Variants in HTRA1 observed in about 807,000 individuals in gnomAD.
HTRA1 encodes serine protease HTRA1.
Under a neutral mutation model 49.7 loss-of-function variants are expected in HTRA1, and 26 were observed. That is an observed-to-expected ratio of 0.52 (90% CI 0.38 to 0.73). The LOEUF is 0.73. Ranked by LOEUF, HTRA1 falls within the 30% of genes least tolerant of loss-of-function variation. HTRA1 has a pLI of 0.00. For missense variants in HTRA1, 561 were observed against 667.2 expected, an observed-to-expected ratio of 0.84 and a Z score of 1.75; for synonymous variants, 291 against 286.9, an observed-to-expected ratio of 1.01 and a Z score of -0.14.
rs1301487286 is a variant in HTRA1, at chr10:122,461,706, G to A, written c.54G>A (p.Ala18=). 6 of 1,290,772 alleles carry A rather than the reference G, an allele frequency of 4.6e-6. No homozygotes were observed. The highest frequency in any genetic ancestry group is 9.6e-5 in the East Asian group (2 of 20,874). The allele number at this position is 1,290,772 out of a possible 1,614,324, so 80.0% of individuals were successfully genotyped here. A position where few individuals can be genotyped will look rare whatever the true frequency, so the allele number is the denominator to read the frequency against. The change falls in exon 1 of 9, where the codon GCG becomes GCA. Residue 18 remains alanine, a synonymous_variant. Coordinates refer to ENST00000368984, the MANE Select transcript of HTRA1 (RefSeq NM_002775.5). ...LLPLLLLLLA[A]PASAQLSRAG... Reference sequence around the variant, plus strand: ...CGCTGCTGCTGCTGCTGCTGGCGGCGCCCGCCTCGGCGCAGCTGTCCCGGG... The same window carrying A: ...CGCTGCTGCTGCTGCTGCTGGCGGCACCCGCCTCGGCGCAGCTGTCCCGGG...
rs1440228866 is a variant in HTRA1 at position 122,508,832 on chromosome 10, T to G, written c.1120+62T>G. 5.0e-6 allele frequency: 5 copies of G among 992,872 alleles called. No homozygotes were observed. In the East Asian group the frequency reaches 7.2e-5, roughly 14 times the overall value. The allele number at this position is 992,872 out of a possible 1,614,324, so 61.5% of individuals were successfully genotyped here. On this transcript the variant is annotated intron_variant, in intron 6 of 8. Coordinates refer to ENST00000368984, the MANE Select transcript of HTRA1 (RefSeq NM_002775.5). ...ATGGGGCCTGAAGCTCAGCTGCCCT[T>G]TGGGACTTGGGGAAGGGAAAAGCGG...
chr10:122,468,405 A>G (rs1344293652), intron 1 of HTRA1, among the ~76,000 whole-genome samples: 3 of 21,868 alleles, frequency 1.4e-4, no homozygotes, highest in African/African-American at 4.3e-4. Flanking sequence ...TGTCATTGTC[A>G]TCATCATCAT....
chr10:122,483,961 T>G (rs918959087), intron 1 of HTRA1, among the ~76,000 whole-genome samples: 6 of 152,180 alleles, frequency 3.9e-5, no homozygotes, highest in Admixed American at 6.5e-5. Context: ...ATTTCTAGAA[T>G]TTTTCTATAT....
At chr10:122,493,235 G>A (rs1264931039) in intron 3 of HTRA1, among the ~76,000 whole-genome samples, 1 of 152,150 alleles carries the variant, frequency 6.6e-6, no homozygotes, top group African/African-American at 2.4e-5. Context: ...TGCAGCCCCG[G>A]CCAGGCATCC....
At chr10:122,475,634 G>A (rs1291322703) in intron 1 of HTRA1, among the ~76,000 whole-genome samples, 1 of 152,236 alleles carries the variant, frequency 6.6e-6, no homozygotes, top group Non-Finnish European at 1.5e-5. Flanking sequence ...GGTGCATAGG[G>A]TTTCAGGTTT....
intron 7 of HTRA1, among the ~76,000 whole-genome samples, chr10:122,511,058 C>T (rs2097505326): frequency 1.3e-5 from 2 of 152,136 alleles, no homozygotes. Flanking sequence ...GCCTTGTGAC[C>T]TTGGGAACGA....
In HTRA1 at chr10:122,510,993, G is replaced by A. The variant is rs113422816; in HGVS notation, c.1178+840G>A. On this transcript the variant is annotated intron_variant, in intron 7 of 8. Coordinates refer to ENST00000368984, the MANE Select transcript of HTRA1 (RefSeq NM_002775.5). The stretch of plus-strand genomic sequence containing the variant: ...GGAACTACGAGGTGTAGGGAAAGAT[G>A]GTAAGCCCTTGGTGCCCAGCTTCCT... Among the ~76,000 whole-genome samples the A allele has an allele frequency of 6.9e-3, 1,051 of 151,554 alleles. 14 individuals are homozygous for A. The highest frequency in any genetic ancestry group is 0.024 in the African/African-American group (1,003 of 41,350).
Position 122,510,092 on chromosome 10 carries a change from C to G in HTRA1, c.1121-4C>G. 6.2e-7 allele frequency: 1 copy of G among 1,613,696 alleles called. No homozygotes were observed. Among genetic ancestry groups the G allele is most frequent in the East Asian group, 2.2e-5 (1 of 44,866 alleles). On this transcript the variant is annotated splice_region_variant and splice_polypyrimidine_tract_variant and intron_variant, in intron 6 of 8. Coordinates refer to ENST00000368984, the MANE Select transcript of HTRA1 (RefSeq NM_002775.5). Reference sequence around the variant, plus strand: ...CTTCTGCTGTCCCTTTGTTGTCTCACCAGGAAAAGCCATCACCAAGAAGAA... The same window carrying G: ...CTTCTGCTGTCCCTTTGTTGTCTCAGCAGGAAAAGCCATCACCAAGAAGAA...
chr10:122,503,572 A>AT (rs2097501810), intron 3 of HTRA1, among the ~76,000 whole-genome samples: 1 of 152,206 alleles, frequency 6.6e-6, no homozygotes, highest in African/African-American at 2.4e-5. Context: ...CTGGATGAAC[A>AT]TGTACTGGGC....
chr10:122,465,154 C>T (rs2097483287), intron 1 of HTRA1, among the ~76,000 whole-genome samples: 1 of 152,170 alleles, frequency 6.6e-6, no homozygotes, highest in South Asian at 2.1e-4. Flanking sequence ...CCTCAGAGAA[C>T]ATCTCTGCTC....
intron 1 of HTRA1, among the ~76,000 whole-genome samples, chr10:122,472,744 C>T (rs1303849688): frequency 6.6e-6 from 1 of 152,114 alleles, no homozygotes. Flanking sequence ...GTTAACTGTT[C>T]CCCTGTTCAC....
Position 122,488,465 on chromosome 10 carries a change from G to A in HTRA1, c.473-437G>A, listed in dbSNP as rs779616781. Among the ~76,000 whole-genome samples, 9 of 152,178 alleles carry A rather than the reference G, an allele frequency of 5.9e-5. No individual in the cohort carries two copies. In the South Asian group the frequency reaches 8.3e-4, roughly 14 times the overall value. The stretch of plus-strand genomic sequence containing the variant: ...TAATCCCAGTTACTCAGTAGGCTGA[G>A]GCAGAAGAATCGCTTGAACCGGAGA... On this transcript the variant is annotated intron_variant, in intron 1 of 8. Transcript: ENST00000368984.
chr10:122,468,158 A>G (rs779175150), intron 1 of HTRA1, among the ~76,000 whole-genome samples: 1 of 152,232 alleles, frequency 6.6e-6, no homozygotes, highest in Non-Finnish European at 1.5e-5. Flanking sequence ...CGTGGTAGAT[A>G]GTATGATGCT....
intron 1 of HTRA1, among the ~76,000 whole-genome samples, chr10:122,462,655 G>T (rs1396994452): frequency 3.3e-5 from 5 of 152,218 alleles, no homozygotes; most frequent in Non-Finnish European, 7.3e-5. Context: ...TTGCCGGCCC[G>T]CCCCGGAGTT....
chr10:122,476,578 C>T (rs977967242), intron 1 of HTRA1, among the ~76,000 whole-genome samples: 21 of 152,222 alleles, frequency 1.4e-4, no homozygotes, highest in African/African-American at 5.1e-4. Flanking sequence ...TCCAGGTCCT[C>T]TCTTCCTGCC....
chr10:122,465,817 C>T (rs1378963834), intron 1 of HTRA1, among the ~76,000 whole-genome samples: 1 of 152,192 alleles, frequency 6.6e-6, no homozygotes, highest in Non-Finnish European at 1.5e-5. Context: ...CTTCCAGATT[C>T]CCCCATGTCC....
At chr10:122,514,118 C>T (rs2133454600) in intron 8 of HTRA1, 73 bp from the exon 9 acceptor site, 2 of 1,429,060 alleles carry the variant, frequency 1.4e-6, no homozygotes, top group Non-Finnish European at 2.0e-6. Flanking sequence ...AGCTGTGCCT[C>T]TGTCCATGTA....
chr10:122,492,354 G>C (rs1488819904), intron 3 of HTRA1, among the ~76,000 whole-genome samples: 1 of 152,120 alleles, frequency 6.6e-6, no homozygotes, highest in Non-Finnish European at 1.5e-5. Context: ...TTTATGTTTT[G>C]AGACAGAGTT....
intron 3 of HTRA1, among the ~76,000 whole-genome samples, chr10:122,503,188 C>T (rs763623623): frequency 8.5e-5 from 13 of 152,208 alleles, no homozygotes; most frequent in Non-Finnish European, 1.6e-4. Flanking sequence ...GTGGGCCCCG[C>T]GGGGCTTCAC....
Sources: allele counts gnomAD v4.1 joint callset (sites outside exome capture counted in the v4.1 genomes callset), GRCh38; gene constraint gnomAD v4.1.1; transcripts MANE v1.5; gene names NCBI Gene and HGNC (gene_info 2026-07-23, HGNC 2026-07-21).